BRCA2: variants seen among roughly 807,000 people sequenced by gnomAD.
BRCA2 encodes the protein BRCA2 DNA repair associated.
A neutral mutation model predicts 276.7 loss-of-function variants in BRCA2; 203 were observed. That is an observed-to-expected ratio of 0.73 (90% CI 0.65 to 0.82). The LOEUF (loss-of-function observed/expected upper bound fraction) is 0.82. BRCA2 is among the 40% of genes least tolerant of loss of function. The pLI, the probability that BRCA2 is intolerant of heterozygous loss-of-function variation, is 0.00. For synonymous variants in BRCA2, 1,289 were observed against 1,338.4 expected, an observed-to-expected ratio of 0.96 and a Z score of 0.81; for missense variants, 3,920 against 3,915.0, an observed-to-expected ratio of 1.00 and a Z score of -0.03.
chr13:32,393,750 G>A (rs1025634647), intron 24 of BRCA2, among the ~76,000 whole-genome samples: 4 of 152,176 alleles, frequency 2.6e-5, no homozygotes, highest in African/African-American at 9.7e-5. Context: ...GCAGACAGAG[G>A]TGGGAAATGT....
chr13:32,346,855 G>T lies in BRCA2; in HGVS notation c.6966G>T (p.Met2322Ile), dbSNP rs80358924. 2 of 1,609,816 alleles carry T rather than the reference G, an allele frequency of 1.2e-6. No homozygotes were observed. Among genetic ancestry groups the T allele is most frequent in the African/African-American group, 2.7e-5 (2 of 74,832 alleles). ...DGTIKDRRLF[M>I]HHVSLEPITC... The stretch of plus-strand genomic sequence containing the variant: ...CAATAAAAGATCGAAGATTGTTTAT[G>T]CATCATGTTTCTTTAGAGCCGATTA... Residue 2322 changes from methionine (M) to isoleucine (I), a missense_variant, in exon 13 of 27, where the codon ATG (methionine) becomes ATT (isoleucine). Transcript: ENST00000380152.
At chr13:32,347,162 T>C (rs562610769) in intron 13 of BRCA2, among the ~76,000 whole-genome samples, 4 of 152,246 alleles carry the variant, frequency 2.6e-5, no homozygotes, top group Admixed American at 2.6e-4. Context: ...ATTAAGGAAA[T>C]TGCTCCGAAT....
Position 32,362,641 on chromosome 13 carries a change from T to C in BRCA2, c.7924T>C (p.Phe2642Leu), listed in dbSNP as rs1555286856. ...AAMECAFPKE[F>L]ANRCLSPERV... ...TATGGAATGTGCCTTTCCTAAGGAA[T>C]TTGCTAATAGATGCCTAAGCCCAGA... The change falls in exon 17 of 27, where the codon TTT (phenylalanine) becomes CTT (leucine). Residue 2642 changes from phenylalanine to leucine, a missense_variant. Transcript: ENST00000380152. The C allele has an allele frequency of 1.9e-6, 3 of 1,614,210 alleles. No homozygotes were observed. Among genetic ancestry groups the C allele is most frequent in the Non-Finnish European group, 2.5e-6 (3 of 1,180,032 alleles).
At chr13:32,345,215 G>A (rs922993216) in intron 12 of BRCA2, among the ~76,000 whole-genome samples, 4 of 152,022 alleles carry the variant, frequency 2.6e-5, no homozygotes, top group Non-Finnish European at 5.9e-5. Context: ...AATAACTATA[G>A]TTTGTTGGTT....
chr13:32,338,629 A>G lies in BRCA2; in HGVS notation c.4274A>G (p.Asp1425Gly), dbSNP rs398122780. Residue 1425 changes from aspartate (D) to glycine (G), a missense_variant, in exon 11 of 27, where the codon GAT becomes GGT. Coordinates refer to ENST00000380152, the MANE Select transcript of BRCA2 (RefSeq NM_000059.4). ...EQNIKDFETS[D>G]TFFQTASGKN... ...AATATAAAAGATTTTGAGACTTCTG[A>G]TACATTTTTTCAGACTGCAAGTGGG... 2 of 1,598,742 alleles carry G rather than the reference A, an allele frequency of 1.3e-6. No homozygotes were observed. Among genetic ancestry groups the G allele is most frequent in the Admixed American group, 3.4e-5 (2 of 58,856 alleles).
intron 25 of BRCA2, among the ~76,000 whole-genome samples, chr13:32,395,626 C>T (rs1455346349): frequency 6.6e-6 from 1 of 152,138 alleles, no homozygotes; most frequent in Admixed American, 6.6e-5. Context: ...AGAACCCAGA[C>T]TAGGAACTGC....
intron 9 of BRCA2, among the ~76,000 whole-genome samples, chr13:32,331,842 T>G (rs2072393864): frequency 6.6e-6 from 1 of 152,160 alleles, no homozygotes; most frequent in Admixed American, 6.6e-5. Flanking sequence ...TTGATATCTG[T>G]TTTTGTCTGT....
rs80359682 is a variant in BRCA2 at position 32,357,913 on chromosome 13, AAAG to A, written c.7795_7797del (p.Glu2599del). ...ACCCTCCAATGATGGAAAGGCTGGA[AAAG>A]AAGAATTTTATAGGTACTCTATGCA... On this transcript the variant is annotated inframe_deletion, in exon 16 of 27. Transcript: ENST00000380152. 1.2e-6 allele frequency: 2 copies of A among 1,614,064 alleles called. No homozygotes were observed. Among genetic ancestry groups the A allele is most frequent in the Non-Finnish European group, 1.7e-6 (2 of 1,179,946 alleles).
chr13:32,338,981 G>GA lies in BRCA2; in HGVS notation c.4631dup (p.Asn1544LysfsTer4), dbSNP rs80359460. On this transcript the variant is annotated frameshift_variant, in exon 11 of 27. Transcript: ENST00000380152. LOFTEE classifies it high-confidence loss of function. ...TTGCAAAGGAATCTTTGGACAAAGT[G>GA]AAAAACCTTTTTGATGAAAAAGAGC... is the stretch of plus-strand genomic sequence containing the variant. The GA allele has an allele frequency of 5.6e-6, 9 of 1,613,460 alleles. No homozygotes were observed. The highest frequency in any genetic ancestry group is 6.8e-6 in the Non-Finnish European group (8 of 1,179,818).
intron 20 of BRCA2, among the ~76,000 whole-genome samples, chr13:32,373,558 C>G (rs1334908949): frequency 1.3e-5 from 2 of 152,184 alleles, no homozygotes; most frequent in African/African-American, 4.8e-5. Context: ...TCAAGTGAGC[C>G]ACTGCACCCA....
intron 11 of BRCA2, among the ~76,000 whole-genome samples, chr13:32,343,508 G>A (rs956247702): frequency 6.6e-6 from 1 of 152,074 alleles, no homozygotes; most frequent in Non-Finnish European, 1.5e-5. Context: ...GTGTTGTCCA[G>A]GTCACATTCA....
chr13:32,337,984 A>T lies in BRCA2; in HGVS notation c.3629A>T (p.Asp1210Val), dbSNP rs397507311. The T allele has an allele frequency of 1.9e-6, 3 of 1,613,556 alleles. No homozygotes were observed. In the African/African-American group the frequency reaches 4.0e-5, roughly 22 times the overall value. Residue 1210 changes from aspartate to valine, a missense_variant, in exon 11 of 27, where the codon GAT (aspartate) becomes GTT (valine). By Grantham distance (152) the Asp-to-Val change is radical. Around this residue, in one of 2 missense-constraint regions of BRCA2, gnomAD observed 3,263 missense variants for 3,156.9 expected, o/e 1.03. Transcript: ENST00000380152. ...AAAAGTGCTTCTGGTTATTTAACAG[A>T]TGAAAATGAAGTGGGGTTTAGGGGC... ...CNKSASGYLT[D>V]ENEVGFRGFY...
intron 1 of BRCA2, among the ~76,000 whole-genome samples, chr13:32,316,206 C>G (rs1409497210): frequency 1.3e-5 from 2 of 152,180 alleles, no homozygotes; most frequent in African/African-American, 2.4e-5. Flanking sequence ...TCTCTAGTCG[C>G]ACTAGCCACG....
chr13:32,346,012 G>A (rs2072608724), intron 12 of BRCA2, among the ~76,000 whole-genome samples: 1 of 151,928 alleles, frequency 6.6e-6, no homozygotes, highest in Admixed American at 6.5e-5. Context: ...TGATAATTAG[G>A]TTACATTCCT....
rs756202625 is a variant in BRCA2 at position 32,394,947 on chromosome 13, T to C, written c.9501+14T>C. 3 of 1,613,824 alleles carry C rather than the reference T, an allele frequency of 1.9e-6. No individual in the cohort carries two copies. The highest frequency in any genetic ancestry group is 2.5e-6 in the Non-Finnish European group (3 of 1,179,904). Reference sequence around the variant, plus strand: ...AATACTGTTGAGGTAAGGTTACTTTTCAGCATCACCACACATTTTGGTATT... The same window carrying C: ...AATACTGTTGAGGTAAGGTTACTTTCCAGCATCACCACACATTTTGGTATT... On this transcript the variant is annotated intron_variant, in intron 25 of 26. Transcript: ENST00000380152.
intron 18 of BRCA2, among the ~76,000 whole-genome samples, chr13:32,366,862 A>G (rs1304279966): frequency 7.8e-6 from 1 of 127,640 alleles, no homozygotes; most frequent in Non-Finnish European, 1.7e-5. Flanking sequence ...CATCTATCAA[A>G]AAGAACAAAA....
Position 32,315,663 on chromosome 13 carries a change from AGC to A in BRCA2, c.-42_-41del, listed in dbSNP as rs899298231. 2.0e-5 allele frequency: 3 copies of A among 152,286 alleles called. No homozygotes were observed. Among genetic ancestry groups the A allele is most frequent in the African/African-American group, 7.2e-5 (3 of 41,422 alleles). The allele number at this position is 152,286 out of a possible 1,614,324, so 9.4% of individuals were successfully genotyped here. A position where few individuals can be genotyped will look rare whatever the true frequency, so the allele number is the denominator to read the frequency against. ...GGCCAAAAAAGAACTGCACCTCTGG[AGC>A]GGGTTAGTGGTGGTGGTAGTGGGTT... On this transcript the variant is annotated splice_region_variant and 5_prime_UTR_variant, in exon 1 of 27. Coordinates refer to ENST00000380152, the MANE Select transcript of BRCA2 (RefSeq NM_000059.4).
Position 32,338,993 on chromosome 13 carries a change from T to A in BRCA2, c.4638T>A (p.Phe1546Leu), listed in dbSNP as rs777505242. ...CTTTGGACAAAGTGAAAAACCTTTT[T>A]GATGAAAAAGAGCAAGGTACTAGTG... is the stretch of plus-strand genomic sequence containing the variant. ...KESLDKVKNL[F>L]DEKEQGTSEI... The change falls in exon 11 of 27, where the codon TTT (phenylalanine) becomes TTA (leucine). Residue 1546 changes from phenylalanine (F) to leucine (L), a missense_variant. Physicochemically the swap from Phe to Leu is conservative, Grantham distance 22. Around this residue, in one of 2 missense-constraint regions of BRCA2, gnomAD observed 3,263 missense variants for 3,156.9 expected, o/e 1.03. Coordinates refer to ENST00000380152, the MANE Select transcript of BRCA2 (RefSeq NM_000059.4). The A allele has an allele frequency of 6.2e-7, 1 of 1,613,432 alleles. No homozygotes were observed. Among genetic ancestry groups the A allele is most frequent in the Non-Finnish European group, 8.5e-7 (1 of 1,179,782 alleles).
At chr13:32,352,044 G>A (rs150776486) in intron 13 of BRCA2, among the ~76,000 whole-genome samples, 20 of 152,070 alleles carry the variant, frequency 1.3e-4, no homozygotes, top group East Asian at 9.7e-4. Flanking sequence ...CTCGTGATCC[G>A]CCCACCTTGG....
Sources: gnomAD v4.1 joint callset for allele counts (sites outside exome capture counted in the v4.1 genomes callset) on GRCh38, gnomAD v4.1.1 for gene constraint, gnomAD v4.1.1 regional missense constraint, MANE v1.5 for transcripts, NCBI Gene and HGNC (gene_info 2026-07-23, HGNC 2026-07-21) for gene names.